Variants in FAM177A1 observed in about 807,000 individuals in gnomAD.
FAM177A1 encodes the protein protein FAM177A1.
FAM177A1 carries 22 observed loss-of-function variants against 26.1 expected under a neutral mutation model. The observed-to-expected ratio is 0.84, with a 90% CI of 0.60 to 1.20. The LOEUF is 1.20. FAM177A1 is among the 50% of genes most tolerant of loss of function. The pLI is 0.00. For synonymous variants in FAM177A1, 95 were observed against 99.3 expected, an observed-to-expected ratio of 0.96 and a Z score of 0.26; for missense variants, 296 against 291.1, an observed-to-expected ratio of 1.02 and a Z score of -0.12.
chr14:35,066,992 A>G (rs2045250241), intron 2 of FAM177A1, among the ~76,000 whole-genome samples: 2 of 152,210 alleles, frequency 1.3e-5, no homozygotes, highest in South Asian at 4.1e-4. Context: ...GGGTTTCTCC[A>G]TGTTGGTCAG....
At chr14:35,072,157 CCCA>C (rs377554179) in intron 2 of FAM177A1, among the ~76,000 whole-genome samples, 13 of 152,090 alleles carry the variant, frequency 8.5e-5, no homozygotes, top group African/African-American at 3.1e-4. Context: ...CACCTGTAGT[CCCA>C]GCTACTCGGG....
intron 1 of FAM177A1, among the ~76,000 whole-genome samples, chr14:35,051,328 C>T (rs547641668): frequency 2.0e-4 from 31 of 152,118 alleles, no homozygotes; most frequent in African/African-American, 6.3e-4. Context: ...CCATGTTGGC[C>T]GGGCTGGTCT....
intron 2 of FAM177A1, among the ~76,000 whole-genome samples, chr14:35,067,950 A>C (rs1056256981): frequency 7.9e-5 from 12 of 152,106 alleles, no homozygotes; most frequent in African/African-American, 2.9e-4. Context: ...ATGGCTTGCA[A>C]GTATTTTCTC....
At chr14:35,075,512 G>T (rs1169378301) in intron 2 of FAM177A1, among the ~76,000 whole-genome samples, 1 of 151,996 alleles carries the variant, frequency 6.6e-6, no homozygotes, top group Admixed American at 6.6e-5. Context: ...GAAAACCTAG[G>T]CAATACCATT....
At chr14:35,065,715 A>C (rs1364870336) in intron 2 of FAM177A1, among the ~76,000 whole-genome samples, 1 of 67,068 alleles carries the variant, frequency 1.5e-5, no homozygotes, top group Non-Finnish European at 3.1e-5. Flanking sequence ...TTTTTTTTTG[A>C]GACAGTCACC....
intron 2 of FAM177A1, among the ~76,000 whole-genome samples, chr14:35,074,782 C>T (rs535601851): frequency 1.3e-5 from 2 of 151,854 alleles, no homozygotes; most frequent in Admixed American, 6.6e-5. Context: ...TGGCTTACCC[C>T]TGTAATCCCA....
chr14:35,076,483 C>G (rs2138568909), intron 2 of FAM177A1, among the ~76,000 whole-genome samples: 1 of 151,936 alleles, frequency 6.6e-6, no homozygotes, highest in Middle Eastern at 3.4e-3. Flanking sequence ...AGGAGATATA[C>G]CTAATGTAAA....
At chr14:35,053,513 T>A in intron 2 of FAM177A1, 62 bp downstream of exon 2, 1 of 1,540,440 alleles carries the variant, frequency 6.5e-7, no homozygotes, top group Non-Finnish European at 8.9e-7. Context: ...TTTTTTTCCC[T>A]AAACATTGAG....
intron 4 of FAM177A1, among the ~76,000 whole-genome samples, chr14:35,080,455 G>A (rs2045463464): frequency 6.6e-6 from 1 of 152,188 alleles, no homozygotes; most frequent in South Asian, 2.1e-4. Context: ...CCTTGTCAAA[G>A]TTAATTCAGG....
intron 1 of FAM177A1, among the ~76,000 whole-genome samples, chr14:35,052,426 G>A (rs2044987732): frequency 6.6e-6 from 1 of 151,610 alleles, no homozygotes; most frequent in South Asian, 2.1e-4. Flanking sequence ...TTTCACCGTG[G>A]TCTCGATCTC....
intron 2 of FAM177A1, among the ~76,000 whole-genome samples, chr14:35,062,982 A>AT (rs202138050): frequency 1.4e-5 from 2 of 146,776 alleles, no homozygotes; most frequent in Non-Finnish European, 3.0e-5. Flanking sequence ...ATTTAGTATC[A>AT]TTTAAAAAAA....
chr14:35,081,222 A>G lies in FAM177A1; in HGVS notation c.705A>G (p.Pro235=), dbSNP rs143519021. 41 of 1,607,236 alleles carry G rather than the reference A, an allele frequency of 2.6e-5. No homozygotes were observed. The African/African-American group carries it at 5.0e-4, about 19-fold the overall frequency. ...GCAAGCAAAATCCAGTCTCTGTCCC[A>G]CCATAAAATGAAATGACTATCAAGC... ...MESKQNPVSV[P]P The change falls in exon 5 of 5, where the codon CCA becomes CCG. Residue 235 remains proline (P), a synonymous_variant. Coordinates refer to ENST00000280987, the MANE Select transcript of FAM177A1 (RefSeq NM_173607.5).
At chr14:35,055,347 A>AG (rs34437487) in intron 2 of FAM177A1, among the ~76,000 whole-genome samples, 124,669 of 151,164 alleles carry the variant, frequency 0.82, 51,756 homozygotes, top group Non-Finnish European at 0.87. Flanking sequence ...AAATATTCAA[A>AG]GATTGTACCA....
rs2045468339 is a variant in FAM177A1 at position 35,080,747 on chromosome 14, G to C, written c.505-275G>C. ...GCCTGGGAGATGGAGGTTGCAGTGA[G>C]CCACTGCACTCCAGCCTGGGTGACA... is the stretch of plus-strand genomic sequence containing the variant. On this transcript the variant is annotated intron_variant, in intron 4 of 4. Coordinates refer to ENST00000280987, the MANE Select transcript of FAM177A1 (RefSeq NM_173607.5). Among the ~76,000 whole-genome samples, 4 of 152,026 alleles carry C rather than the reference G, an allele frequency of 2.6e-5. 1 individual carries two copies. The South Asian group carries it at 8.3e-4, about 32-fold the overall frequency.
intron 2 of FAM177A1, among the ~76,000 whole-genome samples, chr14:35,054,161 G>A (rs917074733): frequency 3.9e-5 from 6 of 152,064 alleles, no homozygotes; most frequent in African/African-American, 1.2e-4. Context: ...CTTGCAGTGA[G>A]CCGAGATCGC....
chr14:35,076,409 A>T (rs181387136), intron 2 of FAM177A1, among the ~76,000 whole-genome samples: 11 of 150,326 alleles, frequency 7.3e-5, no homozygotes, highest in African/African-American at 2.7e-4. Context: ...ACTTGGACAC[A>T]GGAAGGGGAA....
chr14:35,071,421 G>A (rs768694301), intron 2 of FAM177A1, among the ~76,000 whole-genome samples: 6 of 152,066 alleles, frequency 3.9e-5, no homozygotes, highest in Non-Finnish European at 8.8e-5. Flanking sequence ...TATTTTTGGA[G>A]GAAAAATGAA....
At chr14:35,056,010 C>T (rs2045056454) in intron 2 of FAM177A1, among the ~76,000 whole-genome samples, 1 of 151,938 alleles carries the variant, frequency 6.6e-6, no homozygotes, top group South Asian at 2.1e-4. Flanking sequence ...TGTAATCTTC[C>T]TTTGCTTATT....
chr14:35,048,447 T>A (rs112854815), intron 1 of FAM177A1, among the ~76,000 whole-genome samples: 10,674 of 152,030 alleles, frequency 0.07, 494 homozygotes, highest in Non-Finnish European at 0.11. Flanking sequence ...AGATAAAAAT[T>A]CACAGGAATA....
Sources: gnomAD v4.1 joint callset for allele counts (sites outside exome capture counted in the v4.1 genomes callset) on GRCh38, gnomAD v4.1.1 for gene constraint, MANE v1.5 for transcripts, NCBI Gene and HGNC (gene_info 2026-07-23, HGNC 2026-07-21) for gene names.